Variants in CERS4 observed in about 807,000 individuals in gnomAD.
CERS4 encodes ceramide synthase 4.
A neutral mutation model predicts 51.8 loss-of-function variants in CERS4; 65 were observed. That is an observed-to-expected ratio of 1.26 (90% CI 1.03 to 1.54). The LOEUF is 1.54. CERS4 is among the 40% of genes most tolerant of loss of function. The pLI, the probability that CERS4 is intolerant of heterozygous loss-of-function variation, is 0.00. For missense variants in CERS4, 563 were observed against 500.4 expected (o/e 1.13, Z -1.19); for synonymous variants, 228 against 208.4 (o/e 1.09, Z -0.81).
At chr19:8,253,270 A>G (rs1278583751) in intron 3 of CERS4, among the ~76,000 whole-genome samples, 1 of 152,144 alleles carries the variant, frequency 6.6e-6, no homozygotes, top group Non-Finnish European at 1.5e-5. Flanking sequence ...GAGCGGGAAC[A>G]GCCCCAGCCC....
intron 2 of CERS4, among the ~76,000 whole-genome samples, chr19:8,234,899 CAT>C (rs1193711093): frequency 2.1e-4 from 32 of 151,616 alleles, no homozygotes; most frequent in Non-Finnish European, 7.4e-5. Context: ...CTAGAGACCT[CAT>C]ATAAGTGGAA....
rs748398118 is a variant in CERS4, at chr19:8,254,562, G to T, written c.237G>T (p.Lys79Asn). ...GVRDQTRRQV[K>N]PNATLEKHFL... ...GGGATCAGACCAGGAGGCAAGTGAA[G>T]CCCAACGCCACGCTGGAGAAACACT... The change falls in exon 4 of 12, where the codon AAG (lysine) becomes AAT (asparagine). Residue 79 changes from lysine to asparagine, a missense_variant. Transcript: ENST00000251363. 1.2e-6 allele frequency: 2 copies of T among 1,613,540 alleles called. No homozygotes were observed. The highest frequency in any genetic ancestry group is 1.7e-6 in the Non-Finnish European group (2 of 1,179,884).
rs1439217780 is a variant in CERS4, at chr19:8,255,664, T to C, written c.349T>C (p.Trp117Arg). Residue 117 changes from tryptophan to arginine, a missense_variant, in exon 5 of 12, where the codon TGG (tryptophan) becomes CGG (arginine). Transcript: ENST00000251363. ...CCTCACGCTGCAGCAGACCCAGCGA[T>C]GGTTCCGGAGACGCCGGAACCAGGA... ...CGLTLQQTQR[W>R]FRRRRNQDRP... The C allele has an allele frequency of 2.5e-6, 4 of 1,613,062 alleles. No individual in the cohort carries two copies. The highest frequency in any genetic ancestry group is 3.4e-6 in the Non-Finnish European group (4 of 1,179,916).
intron 10 of CERS4, chr19:8,261,014 G>T (rs1012791249): frequency 6.6e-6 from 1 of 151,762 alleles, no homozygotes; most frequent in Non-Finnish European, 1.5e-5. Flanking sequence ...AGGATGTGGT[G>T]GGAGCTGGGC....
At chr19:8,254,706 AGCCAAGGTGGCTGCAGGCAC>A in intron 4 of CERS4, 90 bp downstream of exon 4, 1 of 1,196,412 alleles carries the variant, frequency 8.4e-7, no homozygotes, top group Non-Finnish European at 1.2e-6. Context: ...GGGCAGGAGA[AGCCAAGGTGGCTGCAGGCAC>A]CCCTGCAATG....
intron 3 of CERS4, among the ~76,000 whole-genome samples, chr19:8,252,557 G>C (rs11260074): frequency 6.6e-6 from 1 of 150,688 alleles, no homozygotes; most frequent in East Asian, 2.0e-4. Flanking sequence ...TCCTATCTCA[G>C]CCTCACAAGT....
At chr19:8,238,863 C>A (rs1968389290) in intron 2 of CERS4, among the ~76,000 whole-genome samples, 1 of 152,016 alleles carries the variant, frequency 6.6e-6, no homozygotes, top group Admixed American at 6.6e-5. Flanking sequence ...CTTTGGGAAG[C>A]CATAGTGGGA....
intron 7 of CERS4, 130 bp downstream of exon 7, chr19:8,256,416 C>A: frequency 7.1e-6 from 8 of 1,130,398 alleles, no homozygotes; most frequent in Non-Finnish European, 1.0e-5. Context: ...CTCTTTGATT[C>A]CTCTGGGGAA....
At chr19:8,247,612 G>T (rs1968845979) in intron 2 of CERS4, among the ~76,000 whole-genome samples, 1 of 152,012 alleles carries the variant, frequency 6.6e-6, no homozygotes, top group Non-Finnish European at 1.5e-5. Flanking sequence ...TAGAGACAGG[G>T]TCTTGCTATG....
chr19:8,240,614 G>GTGTGTGTGTGTGTGTGTGTGTGT (rs148847272), intron 2 of CERS4: 58 of 152,512 alleles, frequency 3.8e-4, no homozygotes, highest in African/African-American at 1.4e-3. Flanking sequence ...GTGTGTGTGT[G>GTGTGTGTGTGTGTGTGTGTGTGT]TTTTCATCTC....
At chr19:8,214,173 A>C (rs1269560266) in intron 2 of CERS4, among the ~76,000 whole-genome samples, 1 of 151,654 alleles carries the variant, frequency 6.6e-6, no homozygotes, top group East Asian at 1.9e-4. Context: ...ACTGTGTCTG[A>C]AGAGTGATCA....
At position 8,257,051 on chromosome 19, in the gene CERS4, C is replaced by T. The variant is rs751024012; in HGVS notation, c.715C>T (p.His239Tyr). The T allele has an allele frequency of 1.2e-6, 2 of 1,609,820 alleles. No homozygotes were observed. Among genetic ancestry groups the T allele is most frequent in the Non-Finnish European group, 1.7e-6 (2 of 1,177,398 alleles). The change falls in exon 9 of 12, where the codon CAC (histidine) becomes TAC (tyrosine). Residue 239 changes from histidine (H) to tyrosine (Y), a missense_variant. His to Tyr is a moderately conservative substitution (Grantham distance 83). Transcript: ENST00000251363. ...CATTGGCTCTCTGGTGCTGCTGTTA[C>T]ACGATTCCTCTGACTACCTGCTGGA... ...LRIGSLVLLL[H>Y]DSSDYLLEAC...
intron 9 of CERS4, 85 bp downstream of exon 9, chr19:8,257,162 A>C (rs1599594215): frequency 4.4e-6 from 6 of 1,376,134 alleles, no homozygotes; most frequent in South Asian, 1.4e-5. Context: ...ATTCCTCCCA[A>C]CCTTCCTGGG....
chr19:8,247,895 G>C (rs2927717), intron 2 of CERS4, among the ~76,000 whole-genome samples: 47,174 of 151,606 alleles, frequency 0.31, 8,623 homozygotes, highest in Non-Finnish European at 0.42. Flanking sequence ...CACCACACCT[G>C]GCTGATTTTT....
At chr19:8,248,318 G>T (rs981409098) in intron 2 of CERS4, among the ~76,000 whole-genome samples, 2 of 152,166 alleles carry the variant, frequency 1.3e-5, no homozygotes, top group African/African-American at 2.4e-5. Context: ...TGGATGGATG[G>T]ACAGACAGAC....
chr19:8,240,615 T>TGTGTGTGTGTGTGTG (rs1555776364), intron 2 of CERS4: 10 of 149,126 alleles, frequency 6.7e-5, no homozygotes, highest in East Asian at 1.9e-4. Context: ...TGTGTGTGTG[T>TGTGTGTGTGTGTGTG]TTTCATCTCT....
chr19:8,219,800 C>T (rs1342314381), intron 2 of CERS4, among the ~76,000 whole-genome samples: 5 of 151,384 alleles, frequency 3.3e-5, no homozygotes, highest in African/African-American at 9.7e-5. Context: ...GCCTGGGCAA[C>T]AAGAGCGAAA....
chr19:8,224,431 G>A (rs1967701147), intron 2 of CERS4, among the ~76,000 whole-genome samples: 1 of 149,798 alleles, frequency 6.7e-6, no homozygotes, highest in African/African-American at 2.5e-5. Flanking sequence ...AAAAATTGTT[G>A]CCCCAAAAGT....
intron 2 of CERS4, among the ~76,000 whole-genome samples, chr19:8,244,357 C>T (rs890296911): frequency 6.6e-6 from 1 of 152,154 alleles, no homozygotes; most frequent in Non-Finnish European, 1.5e-5. Flanking sequence ...GATTGCCTCC[C>T]TGCAGAAAAT....
Sources: gnomAD v4.1 joint callset for allele counts (sites outside exome capture counted in the v4.1 genomes callset) on GRCh38, gnomAD v4.1.1 for gene constraint, MANE v1.5 for transcripts, NCBI Gene and HGNC (gene_info 2026-07-23, HGNC 2026-07-21) for gene names.